ZKSCAN5: variants seen among roughly 807,000 people sequenced by gnomAD.
The protein encoded by ZKSCAN5 is zinc finger protein with KRAB and SCAN domains 5.
Under a neutral mutation model 60.0 loss-of-function variants are expected in ZKSCAN5, and 28 were observed. The ratio of observed to expected loss-of-function variants is 0.47; its 90% CI spans 0.35 to 0.64. The LOEUF (loss-of-function observed/expected upper bound fraction) is 0.64, where lower values mean the gene tolerates loss of function less well. Ranked by LOEUF, ZKSCAN5 falls within the 30% of genes least tolerant of loss-of-function variation. ZKSCAN5 has a pLI of 0.01. For synonymous variants in ZKSCAN5, 361 were observed against 371.2 expected, an observed-to-expected ratio of 0.97 and a Z score of 0.31; for missense variants, 881 against 1,034.6, an observed-to-expected ratio of 0.85 and a Z score of 2.04.
At chr7:99,517,912 G>C (rs1460844151) in intron 3 of ZKSCAN5, among the ~76,000 whole-genome samples, 1 of 152,184 alleles carries the variant, frequency 6.6e-6, no homozygotes, top group Non-Finnish European at 1.5e-5. Context: ...CTGGGCCACG[G>C]GCCGTGGGTT....
chr7:99,531,278 C>A lies in ZKSCAN5; in HGVS notation c.1549C>A (p.Pro517Thr), dbSNP rs1802031269. ...QGKLDRKQGI[P>T]MKEILGQPSS... is the part of the protein sequence containing the mutation. ...CAAGCTGGATAGAAAGCAGGGAATT[C>A]CCATGAAAGAGATACTAGGACAACC... The change falls in exon 7 of 7, where the codon CCC becomes ACC. Residue 517 changes from proline to threonine, a missense_variant. By Grantham distance (38) the Pro-to-Thr change is conservative. This residue lies in a region of ZKSCAN5 where 490 missense variants were observed against 554.5 expected (regional missense o/e 0.88). Coordinates refer to ENST00000326775, the MANE Select transcript of ZKSCAN5 (RefSeq NM_145102.4). 6.2e-7 allele frequency: 1 copy of A among 1,614,056 alleles called. No individual in the cohort carries two copies. The highest frequency in any genetic ancestry group is 8.5e-7 in the Non-Finnish European group (1 of 1,180,012).
rs1324495126 is a variant in ZKSCAN5, at chr7:99,512,080, C to T, written c.415-373C>T. On this transcript the variant is annotated intron_variant, in intron 2 of 6. Coordinates refer to ENST00000326775, the MANE Select transcript of ZKSCAN5 (RefSeq NM_145102.4). ...GTGCTGGGATTACAGGCGTGAGCCACCCCGTGCGCCCAGCCCTTCTCAACC... is the reference window on the plus strand; with the variant it reads ...GTGCTGGGATTACAGGCGTGAGCCATCCCGTGCGCCCAGCCCTTCTCAACC... Among the ~76,000 whole-genome samples, 6 of 152,308 alleles carry T rather than the reference C, an allele frequency of 3.9e-5. No individual in the cohort carries two copies. The East Asian group carries it at 1.2e-3, about 29-fold the overall frequency.
Position 99,512,814 on chromosome 7 carries a change from TTTTATTTA to T in ZKSCAN5, c.553+238_553+245del, listed in dbSNP as rs942536186. Among the ~76,000 whole-genome samples, 7 of 151,662 alleles carry T rather than the reference TTTTATTTA, an allele frequency of 4.6e-5. No individual in the cohort carries two copies. In the South Asian group the frequency reaches 1.5e-3, roughly 32 times the overall value. On this transcript the variant is annotated intron_variant, in intron 3 of 6. Transcript: ENST00000326775. The stretch of plus-strand genomic sequence containing the variant: ...AATTACACCAGCTTCTTTTTTTTTC[TTTTATTTA>T]TTTATTTATTTATTATTATTATACT...
rs765583666 is a variant in ZKSCAN5, at chr7:99,506,252, C to G, written c.208C>G (p.Gln70Glu). The G allele has an allele frequency of 9.3e-6, 15 of 1,614,202 alleles. No individual in the cohort carries two copies. In the South Asian group the frequency reaches 1.5e-4, roughly 17 times the overall value. The change falls in exon 2 of 7, where the codon CAA (glutamine) becomes GAA (glutamate). Residue 70 changes from glutamine (Q) to glutamate (E), a missense_variant. By Grantham distance (29) the Gln-to-Glu change is conservative. This residue lies in a region of ZKSCAN5 where 53 missense variants were observed against 88.7 expected (regional missense o/e 0.60). Coordinates refer to ENST00000326775, the MANE Select transcript of ZKSCAN5 (RefSeq NM_145102.4). ...EASGPREALS[Q>E]LRVLCCEWLR... ...TTCAGGACCCCGGGAGGCTCTCAGC[C>G]AACTCCGGGTGCTCTGCTGTGAGTG...
chr7:99,519,723 G>T (rs1801433612), intron 3 of ZKSCAN5, 104 bp from the exon 4 acceptor site: 2 of 1,125,574 alleles, frequency 1.8e-6, no homozygotes, highest in Non-Finnish European at 1.3e-6. Flanking sequence ...TTTGGCCTCG[G>T]CGCAGTAGGG....
At chr7:99,517,846 C>CAA (rs34620664) in intron 3 of ZKSCAN5, among the ~76,000 whole-genome samples, 2 of 129,968 alleles carry the variant, frequency 1.5e-5, no homozygotes, top group Non-Finnish European at 1.8e-5. Flanking sequence ...GACCTTGTCT[C>CAA]AAAAAAAAAA....
chr7:99,520,590 G>T (rs1178050662), intron 5 of ZKSCAN5, among the ~76,000 whole-genome samples: 1 of 152,150 alleles, frequency 6.6e-6, no homozygotes, highest in Non-Finnish European at 1.5e-5. Context: ...ATAAGAGTGG[G>T]TTGGCTGTGG....
At chr7:99,516,384 T>TA (rs1801265460) in intron 3 of ZKSCAN5, among the ~76,000 whole-genome samples, 1 of 152,142 alleles carries the variant, frequency 6.6e-6, no homozygotes, top group South Asian at 2.1e-4. Flanking sequence ...TTTTCAGTCT[T>TA]TAGCCACTCC....
At chr7:99,515,167 G>A (rs2151101387) in intron 3 of ZKSCAN5, among the ~76,000 whole-genome samples, 1 of 151,936 alleles carries the variant, frequency 6.6e-6, no homozygotes, top group Non-Finnish European at 1.5e-5. Context: ...CACTTTGGGA[G>A]GCTGAGGTGG....
At chr7:99,513,125 A>G (rs1165794270) in intron 3 of ZKSCAN5, among the ~76,000 whole-genome samples, 2 of 151,618 alleles carry the variant, frequency 1.3e-5, no homozygotes, top group Non-Finnish European at 2.9e-5. Context: ...ATGGTTTCCA[A>G]TTTCATCCAT....
chr7:99,513,895 A>T (rs1801153771), intron 3 of ZKSCAN5: 1 of 160,764 alleles, frequency 6.2e-6, no homozygotes, highest in South Asian at 1.2e-4. Context: ...AATACAAAAA[A>T]TTAGCTGGGC....
chr7:99,512,724 G>C, intron 3 of ZKSCAN5, 133 bp downstream of exon 3: 1 of 1,172,282 alleles, frequency 8.5e-7, no homozygotes, highest in Non-Finnish European at 1.1e-6. Context: ...TAGAAGCAGG[G>C]AAAGGCCAGG....
intron 4 of ZKSCAN5, 128 bp from the exon 5 acceptor site, chr7:99,520,041 T>C: frequency 6.7e-7 from 1 of 1,496,094 alleles, no homozygotes; most frequent in Non-Finnish European, 9.2e-7. Context: ...CCTTTCTGCC[T>C]AGTCCTTCCC....
intron 6 of ZKSCAN5, 103 bp downstream of exon 6, chr7:99,526,521 G>T (rs1481217848): frequency 6.7e-7 from 1 of 1,493,284 alleles, no homozygotes; most frequent in Non-Finnish European, 8.9e-7. Flanking sequence ...ATACTGGGGG[G>T]GGTAGGAAGA....
chr7:99,519,266 G>A (rs367911598), intron 3 of ZKSCAN5, among the ~76,000 whole-genome samples: 13 of 140,132 alleles, frequency 9.3e-5, no homozygotes, highest in African/African-American at 3.1e-4. Context: ...GAGCCACCAC[G>A]CCCAGTATTT....
intron 2 of ZKSCAN5, among the ~76,000 whole-genome samples, chr7:99,508,228 G>A (rs534891151): frequency 1.3e-5 from 2 of 151,908 alleles, no homozygotes; most frequent in South Asian, 4.2e-4. Context: ...GAACCTGGGA[G>A]TCGGAGGTTG....
At chr7:99,518,955 T>C (rs949274146) in intron 3 of ZKSCAN5, among the ~76,000 whole-genome samples, 2 of 146,128 alleles carry the variant, frequency 1.4e-5, no homozygotes, top group East Asian at 2.0e-4. Flanking sequence ...ATTACAGGCG[T>C]GAGCCACCGT....
chr7:99,522,065 C>CT (rs1379550987), intron 5 of ZKSCAN5, among the ~76,000 whole-genome samples: 6 of 152,128 alleles, frequency 3.9e-5, no homozygotes, highest in African/African-American at 1.2e-4. Context: ...TTCTCATTCT[C>CT]TATCTCTTCA....
In ZKSCAN5 at chr7:99,518,279, A is replaced by G. The variant is rs573267958; in HGVS notation, c.554-1548A>G. Among the ~76,000 whole-genome samples, 5 of 151,814 alleles carry G rather than the reference A, an allele frequency of 3.3e-5. No homozygotes were observed. In the South Asian group the frequency reaches 1.0e-3, roughly 32 times the overall value. On this transcript the variant is annotated intron_variant, in intron 3 of 6. Transcript: ENST00000326775. ...CTACTAAAACTACAAAAATTAGCCA[A>G]GCTTGGTGGTGCACACCTGTAATCC...
Sources: allele counts gnomAD v4.1 joint callset (sites outside exome capture counted in the v4.1 genomes callset), GRCh38; gene constraint gnomAD v4.1.1; regional missense constraint gnomAD v4.1.1; transcripts MANE v1.5; gene names NCBI Gene and HGNC (gene_info 2026-07-23, HGNC 2026-07-21).